The following DLG2 variants were observed in gnomAD, a reference collection of about 807,000 sequenced individuals.
DLG2 encodes discs large MAGUK scaffold protein 2.
DLG2 carries 45 observed loss-of-function variants against 132.5 expected under a neutral mutation model. That is an observed-to-expected ratio of 0.34 (90% CI 0.27 to 0.44). DLG2 has a LOEUF of 0.44. DLG2 is among the 20% of genes least tolerant of loss of function. The pLI is 1.00. For synonymous variants in DLG2, 424 were observed against 419.6 expected, an observed-to-expected ratio of 1.01 and a Z score of -0.13; for missense variants, 1,045 against 1,196.9, an observed-to-expected ratio of 0.87 and a Z score of 1.87.
intron 8 of DLG2, among the ~76,000 whole-genome samples, chr11:84,212,669 CT>C (rs1246280527): frequency 3.3e-5 from 5 of 152,222 alleles, no homozygotes; most frequent in East Asian, 3.9e-4. Context: ...CTTACTTTCA[CT>C]TTTTTTGAGA....
intron 3 of DLG2, among the ~76,000 whole-genome samples, chr11:85,442,781 C>T (rs1467763758): frequency 6.6e-6 from 1 of 152,014 alleles, no homozygotes; most frequent in African/African-American, 2.4e-5. Flanking sequence ...ATTCAGGAAG[C>T]TGAGGCAGGA....
At chr11:84,364,920 T>A (rs1044470556) in intron 7 of DLG2, among the ~76,000 whole-genome samples, 1 of 152,146 alleles carries the variant, frequency 6.6e-6, no homozygotes, top group African/African-American at 2.4e-5. Context: ...TTGCCAGTAT[T>A]TTATTGAGGA....
At chr11:84,478,115 G>C (rs966726987) in intron 7 of DLG2, among the ~76,000 whole-genome samples, 37 of 152,222 alleles carry the variant, frequency 2.4e-4, no homozygotes, top group African/African-American at 8.9e-4. Flanking sequence ...CTTAATAAAA[G>C]AGGTTAATAG....
intron 3 of DLG2, among the ~76,000 whole-genome samples, chr11:85,542,704 G>C (rs896956888): frequency 5.9e-5 from 9 of 152,112 alleles, no homozygotes; most frequent in African/African-American, 1.9e-4. Flanking sequence ...CTGTTCCTAT[G>C]TCATAGCATA....
chr11:83,669,888 C>T (rs899127461), intron 18 of DLG2, among the ~76,000 whole-genome samples: 1 of 152,162 alleles, frequency 6.6e-6, no homozygotes, highest in African/African-American at 2.4e-5. Context: ...CTCGTTAGGA[C>T]AAGCCAAAGG....
chr11:83,666,244 C>T (rs1202603229), intron 18 of DLG2, among the ~76,000 whole-genome samples: 1 of 152,140 alleles, frequency 6.6e-6, no homozygotes, highest in Non-Finnish European at 1.5e-5. Context: ...GTTCTTATCC[C>T]TTGAAGCTAG....
At chr11:85,459,500 C>T (rs574767889) in intron 3 of DLG2, among the ~76,000 whole-genome samples, 1 of 152,140 alleles carries the variant, frequency 6.6e-6, no homozygotes, top group African/African-American at 2.4e-5. Context: ...TCTCAGGGAG[C>T]CCCACCCCAG....
At chr11:84,614,359 C>G (rs1471817679) in intron 6 of DLG2, among the ~76,000 whole-genome samples, 1 of 152,092 alleles carries the variant, frequency 6.6e-6, no homozygotes, top group Non-Finnish European at 1.5e-5. Context: ...ACAGAAGAAA[C>G]CGTGTGGGCA....
At chr11:84,846,782 A>C (rs1181681025) in intron 6 of DLG2, among the ~76,000 whole-genome samples, 1 of 152,182 alleles carries the variant, frequency 6.6e-6, no homozygotes, top group Non-Finnish European at 1.5e-5. Context: ...AGCCTTAAGA[A>C]AGCTTGTCAA....
intron 10 of DLG2, among the ~76,000 whole-genome samples, chr11:84,075,837 T>C (rs948404777): frequency 2.0e-5 from 3 of 152,206 alleles, no homozygotes; most frequent in Non-Finnish European, 2.9e-5. Flanking sequence ...GAAAAACTCA[T>C]GACACATTTT....
chr11:85,572,194 C>T (rs2077882241), intron 3 of DLG2, among the ~76,000 whole-genome samples: 1 of 152,082 alleles, frequency 6.6e-6, no homozygotes, highest in African/African-American at 2.4e-5. Context: ...AAAGTCCTTA[C>T]TCTGCCATTT....
intron 7 of DLG2, among the ~76,000 whole-genome samples, chr11:84,363,539 C>G (rs1462177207): frequency 6.6e-6 from 1 of 151,796 alleles, no homozygotes; most frequent in Non-Finnish European, 1.5e-5. Context: ...TCAATTTTGT[C>G]TTCTGTTGCC....
chr11:85,160,348 G>A (rs147658363), intron 4 of DLG2, among the ~76,000 whole-genome samples: 3 of 152,236 alleles, frequency 2.0e-5, no homozygotes, highest in Admixed American at 6.5e-5. Context: ...GGGGCAGATA[G>A]GGATGCTGTT....
At position 83,743,545 on chromosome 11, in the gene DLG2, C is replaced by A. The variant is rs1225014865; in HGVS notation, c.1825+43145G>T. Among the ~76,000 whole-genome samples, 8 of 151,276 alleles carry A rather than the reference C, an allele frequency of 5.3e-5. No individual in the cohort carries two copies. In the East Asian group the frequency reaches 1.6e-3, roughly 29 times the overall value. On this transcript the variant is annotated intron_variant, in intron 18 of 27. Transcript: ENST00000376104. ...ACTTCCTGGGTTTAAGGGATCCTCCCACCTCAGTCCCCCAAGTAGCTGAGA... is the reference window on the plus strand; with the variant it reads ...ACTTCCTGGGTTTAAGGGATCCTCCAACCTCAGTCCCCCAAGTAGCTGAGA...
At chr11:84,460,656 T>C (rs2099078002) in intron 7 of DLG2, among the ~76,000 whole-genome samples, 1 of 150,812 alleles carries the variant, frequency 6.6e-6, no homozygotes, top group South Asian at 2.1e-4. Flanking sequence ...CAGTCAATTA[T>C]TAAATATGAG....
intron 18 of DLG2, among the ~76,000 whole-genome samples, chr11:83,638,748 G>T (rs1190810517): frequency 6.6e-6 from 1 of 152,138 alleles, no homozygotes; most frequent in South Asian, 2.1e-4. Context: ...AACCACTCAG[G>T]GTACTCTCAT....
At chr11:83,629,995 AC>A (rs1239477820) in intron 19 of DLG2, among the ~76,000 whole-genome samples, 1 of 152,198 alleles carries the variant, frequency 6.6e-6, no homozygotes, top group Non-Finnish European at 1.5e-5. Context: ...AATCAAACAT[AC>A]CCAAATCATT....
At chr11:83,976,316 A>T (rs2092207679) in intron 12 of DLG2, among the ~76,000 whole-genome samples, 1 of 151,902 alleles carries the variant, frequency 6.6e-6, no homozygotes, top group Admixed American at 6.6e-5. Flanking sequence ...ATATGGTGGA[A>T]TTTTTCCTAA....
intron 4 of DLG2, among the ~76,000 whole-genome samples, chr11:85,222,811 G>T (rs188449893): frequency 3.3e-5 from 5 of 151,520 alleles, no homozygotes; most frequent in Non-Finnish European, 5.9e-5. Context: ...TTTTTTTCCC[G>T]GCTAGTCCTA....
Sources: gnomAD v4.1 joint callset for allele counts (sites outside exome capture counted in the v4.1 genomes callset) on GRCh38, gnomAD v4.1.1 for gene constraint, MANE v1.5 for transcripts, NCBI Gene and HGNC (gene_info 2026-07-23, HGNC 2026-07-21) for gene names.